ARHGAP40: variants seen among roughly 807,000 people sequenced by gnomAD.
ARHGAP40 encodes rho GTPase-activating protein 40.
A neutral mutation model predicts 73.5 loss-of-function variants in ARHGAP40; 43 were observed. The ratio of observed to expected loss-of-function variants is 0.58; its 90% CI spans 0.46 to 0.75. The LOEUF is 0.75. ARHGAP40 is among the 30% of genes least tolerant of loss of function. The probability of loss-of-function intolerance (pLI) is 0.00; values close to 1 mark genes in which losing one functional copy is unlikely to be tolerated. For missense variants in ARHGAP40, 734 were observed against 861.8 expected, an observed-to-expected ratio of 0.85 and a Z score of 1.86; for synonymous variants, 300 against 352.8, an observed-to-expected ratio of 0.85 and a Z score of 1.68.
chr20:38,622,493 C>T (rs2088878586), intron 1 of ARHGAP40, among the ~76,000 whole-genome samples: 1 of 152,100 alleles, frequency 6.6e-6, no homozygotes, highest in South Asian at 2.1e-4. Flanking sequence ...TTTATATGGA[C>T]CAGGAGACTT....
At chr20:38,643,662 G>T (rs2089033371) in intron 10 of ARHGAP40, 42 bp from the exon 11 acceptor site, 1 of 1,295,894 alleles carries the variant, frequency 7.7e-7, no homozygotes, top group Admixed American at 2.3e-5. Context: ...GAGGCGCCAG[G>T]GATGGGCTGA....
At chr20:38,645,998 G>A in intron 11 of ARHGAP40, 49 bp from the exon 12 acceptor site, 1 of 1,248,810 alleles carries the variant, frequency 8.0e-7, no homozygotes, top group Non-Finnish European at 1.0e-6. Flanking sequence ...TCTGCCTCTC[G>A]CCCCCAGAAG....
In ARHGAP40 at chr20:38,637,815, C is replaced by A; in HGVS notation, c.1041+16C>A. The stretch of plus-strand genomic sequence containing the variant: ...CCTTCAAGCCGTAAGTCGCCCCTAC[C>A]CCAGCTTGGGTTTATTTAATCCTTC... On this transcript the variant is annotated intron_variant, in intron 7 of 14. Transcript: ENST00000373345. 1 of 1,303,626 alleles carries A rather than the reference C, an allele frequency of 7.7e-7. No individual in the cohort carries two copies. The highest frequency in any genetic ancestry group is 1.0e-6 in the Non-Finnish European group (1 of 988,212). 80.8% of individuals were successfully genotyped at this position (1,303,626 alleles called of 1,614,324 possible).
At chr20:38,614,536 ACATGG>A (rs2088823540) in intron 1 of ARHGAP40, among the ~76,000 whole-genome samples, 1 of 151,678 alleles carries the variant, frequency 6.6e-6, no homozygotes, top group African/African-American at 2.4e-5. Context: ...ACCATTGGCC[ACATGG>A]CCACTCCTGC....
At chr20:38,612,863 G>C (rs2088811883) in intron 1 of ARHGAP40, among the ~76,000 whole-genome samples, 1 of 152,144 alleles carries the variant, frequency 6.6e-6, no homozygotes, top group South Asian at 2.1e-4. Flanking sequence ...AAGTGACTCA[G>C]GAAGGGACAC....
chr20:38,602,389 T>A (rs773127729), intron 1 of ARHGAP40, among the ~76,000 whole-genome samples: 1 of 87,846 alleles, frequency 1.1e-5, no homozygotes, highest in Non-Finnish European at 2.3e-5. Context: ...TATGTGCCAT[T>A]TCCTCTTCCT....
rs2089051821 is a variant in ARHGAP40 at position 38,646,193 on chromosome 20, T to A, written c.1710+6T>A. 7.7e-7 allele frequency: 1 copy of A among 1,298,102 alleles called. No homozygotes were observed. The highest frequency in any genetic ancestry group is 2.3e-5 in the Admixed American group (1 of 43,324). The allele number at this position is 1,298,102 out of a possible 1,614,324, so 80.4% of individuals were successfully genotyped here. On this transcript the variant is annotated splice_donor_region_variant and intron_variant, in intron 12 of 14. Transcript: ENST00000373345. This position sits in a 1 kb window ranked among gnomAD's most constrained non-coding sequence, Gnocchi z 4.5. ...CGGGGGACGGCCTCGAGGCGGTGAG[T>A]GCCCCCGACCCCAGACAGGTGGAGA...
intron 5 of ARHGAP40, among the ~76,000 whole-genome samples, chr20:38,632,761 A>G (rs1418234832): frequency 6.6e-6 from 1 of 151,904 alleles, no homozygotes; most frequent in Non-Finnish European, 1.5e-5. Flanking sequence ...GGATCACTTG[A>G]GGCCAGAAAT....
chr20:38,619,242 G>A (rs1272202999), intron 1 of ARHGAP40, among the ~76,000 whole-genome samples: 1 of 152,130 alleles, frequency 6.6e-6, no homozygotes, highest in Non-Finnish European at 1.5e-5. Flanking sequence ...TATCCTCAGG[G>A]TCCTGGGATA....
chr20:38,622,557 G>A (rs1454480950), intron 1 of ARHGAP40, among the ~76,000 whole-genome samples: 3 of 152,200 alleles, frequency 2.0e-5, no homozygotes, highest in African/African-American at 4.8e-5. Flanking sequence ...TTCATTGAGT[G>A]TAGCTTGGGA....
chr20:38,631,544 A>G (rs1226018471), intron 5 of ARHGAP40, among the ~76,000 whole-genome samples: 1 of 152,144 alleles, frequency 6.6e-6, no homozygotes, highest in Non-Finnish European at 1.5e-5. Context: ...TATCACAAGA[A>G]CAGCCTGGGA....
intron 10 of ARHGAP40, 69 bp from the exon 11 acceptor site, chr20:38,643,635 G>T (rs1468599205): frequency 8.3e-7 from 1 of 1,211,756 alleles, no homozygotes; most frequent in East Asian, 5.7e-5. Context: ...TCATCAGAAT[G>T]CCCTGGGGAT....
chr20:38,633,195 G>A lies in ARHGAP40; in HGVS notation c.784-1425G>A, dbSNP rs2088952230. Among the ~76,000 whole-genome samples the A allele has an allele frequency of 3.9e-5, 6 of 152,192 alleles. No homozygotes were observed. The South Asian group carries it at 1.2e-3, about 32-fold the overall frequency. ...AGCTACTCAGGAGGCTGGGGCAGGA[G>A]GATCACTTGAGCCGAGTTCAAGGTT... On this transcript the variant is annotated intron_variant, in intron 5 of 14. Coordinates refer to ENST00000373345, the Ensembl canonical transcript of ARHGAP40.
At position 38,646,351 on chromosome 20, in the gene ARHGAP40, C is replaced by T. The variant is rs1229877876; in HGVS notation, c.1710+164C>T. On this transcript the variant is annotated intron_variant, in intron 12 of 14. Transcript: ENST00000373345. The surrounding 1 kb of genome is among the most constrained non-coding windows in gnomAD (Gnocchi z 4.5). ...GGCGCCGTCACGGGGAGCGAGGAGG[C>T]GTGGCTGCGAAACGAGGGCTTAGAA... Among the ~76,000 whole-genome samples, 3 of 152,332 alleles carry T rather than the reference C, an allele frequency of 2.0e-5. No homozygotes were observed. The highest frequency in any genetic ancestry group is 7.2e-5 in the African/African-American group (3 of 41,586).
chr20:38,645,975 C>T (rs1269505216), intron 11 of ARHGAP40, 72 bp from the exon 12 acceptor site: 22 of 1,214,242 alleles, frequency 1.8e-5, no homozygotes, highest in Non-Finnish European at 2.2e-5. Context: ...GCCACGATGA[C>T]CCTGGAGAGG....
chr20:38,629,412 G>C, intron 4 of ARHGAP40, 90 bp from the exon 5 acceptor site: 3 of 1,247,652 alleles, frequency 2.4e-6, no homozygotes, highest in Non-Finnish European at 3.1e-6. Context: ...CACTTCTTAG[G>C]ACTAAGGGCC....
chr20:38,646,031 G>A lies in ARHGAP40; in HGVS notation c.1570-16G>A. On this transcript the variant is annotated splice_polypyrimidine_tract_variant and intron_variant, in intron 11 of 14. Coordinates refer to ENST00000373345, the Ensembl canonical transcript of ARHGAP40. This position sits in a 1 kb window ranked among gnomAD's most constrained non-coding sequence, Gnocchi z 4.5. ...AAGTCCTATCCCCCTGCCAAAACTTGATCCTTTCTGGCCAGGTCGCCTCTT... is the reference window on the plus strand; with the variant it reads ...AAGTCCTATCCCCCTGCCAAAACTTAATCCTTTCTGGCCAGGTCGCCTCTT... 3 of 1,294,130 alleles carry A rather than the reference G, an allele frequency of 2.3e-6. No homozygotes were observed. The highest frequency in any genetic ancestry group is 3.1e-6 in the Non-Finnish European group (3 of 982,374). The allele number at this position is 1,294,130 out of a possible 1,614,324, so 80.2% of individuals were successfully genotyped here.
rs190253958 is a variant in ARHGAP40, at chr20:38,611,774, C to T, written c.137+9695C>T. 6.0e-3 allele frequency among the ~76,000 whole-genome samples: 906 copies of T among 152,168 alleles called. 3 individuals are homozygous for T. The highest frequency in any genetic ancestry group is 9.9e-3 in the Non-Finnish European group (672 of 67,994). ...TGTTTTTAGTAGAGATAGGGTTTCA[C>T]TGTGTTAGCCAGGATGATCTCGATC... On this transcript the variant is annotated intron_variant, in intron 1 of 14. Coordinates refer to ENST00000373345, the Ensembl canonical transcript of ARHGAP40.
At chr20:38,650,461 G>A (rs1413158970) in exon 15 of ARHGAP40, 4 of 470,984 alleles carry the variant, frequency 8.5e-6, no homozygotes, top group Non-Finnish European at 1.8e-5. Context: ...TTCAGGATGA[G>A]GGGCTAGGGC....
Sources: gnomAD v4.1 joint callset for allele counts (sites outside exome capture counted in the v4.1 genomes callset) on GRCh38, gnomAD v4.1.1 for gene constraint, Gnocchi (gnomAD v3.1) non-coding constraint, MANE v1.5 for transcripts, NCBI Gene and HGNC (gene_info 2026-07-23, HGNC 2026-07-21) for gene names.